Variants in ERBB4 observed in about 807,000 individuals in gnomAD.
ERBB4 encodes receptor tyrosine-protein kinase erbB-4.
ERBB4 carries 42 observed loss-of-function variants against 158.0 expected under a neutral mutation model. That is an observed-to-expected ratio of 0.27 (90% CI 0.21 to 0.34). ERBB4 has a LOEUF of 0.34. Ranked by LOEUF, ERBB4 falls within the 10% of genes least tolerant of loss-of-function variation. The pLI is 1.00. For missense variants in ERBB4, 1,333 were observed against 1,624.1 expected, an observed-to-expected ratio of 0.82 and a Z score of 3.08; for synonymous variants, 583 against 558.7, an observed-to-expected ratio of 1.04 and a Z score of -0.61.
In ERBB4 at chr2:211,431,196, TA is replaced by T. The variant is rs1374732324; in HGVS notation, c.2488-97del. 5 of 1,102,148 alleles carry T rather than the reference TA, an allele frequency of 4.5e-6. No homozygotes were observed. In the African/African-American group the frequency reaches 7.8e-5, roughly 17 times the overall value. 68.3% of individuals were successfully genotyped at this position (1,102,148 alleles called of 1,614,324 possible). A position where few individuals can be genotyped will look rare whatever the true frequency, so the allele number is the denominator to read the frequency against. ...TTCTTAGCCTTCAGTTGGAAGTGCC[TA>T]ATTTTTTAAGTGAAGCCAGAATCCT... On this transcript the variant is annotated intron_variant, in intron 20 of 27. Coordinates refer to ENST00000342788, the MANE Select transcript of ERBB4 (RefSeq NM_005235.3).
chr2:211,403,411 T>C (rs2063084736), intron 25 of ERBB4, among the ~76,000 whole-genome samples: 3 of 152,168 alleles, frequency 2.0e-5, no homozygotes, highest in African/African-American at 2.4e-5. Context: ...CAGGTTCTTA[T>C]CTTTGTGACT....
intron 20 of ERBB4, among the ~76,000 whole-genome samples, chr2:211,507,428 T>C (rs1325312777): frequency 6.6e-6 from 1 of 152,070 alleles, no homozygotes; most frequent in African/African-American, 2.4e-5. Flanking sequence ...TACAGGCCAA[T>C]TGCTTTGGCT....
In ERBB4 at chr2:212,123,587, G is replaced by C. The variant is rs1179904467; in HGVS notation, c.234+1165C>G. ...AACAGAGCTCTATCAATCAAGTAGAGAATAAGGAAATACCTTCAGTTCATT... is the reference window on the plus strand; with the variant it reads ...AACAGAGCTCTATCAATCAAGTAGACAATAAGGAAATACCTTCAGTTCATT... On this transcript the variant is annotated intron_variant, in intron 2 of 27. Coordinates refer to ENST00000342788, the MANE Select transcript of ERBB4 (RefSeq NM_005235.3). 6.6e-5 allele frequency among the ~76,000 whole-genome samples: 10 copies of C among 152,056 alleles called. No individual in the cohort carries two copies. In the East Asian group the frequency reaches 1.9e-3, roughly 29 times the overall value.
intron 20 of ERBB4, among the ~76,000 whole-genome samples, chr2:211,476,463 C>T (rs1295102376): frequency 6.6e-6 from 1 of 151,358 alleles, no homozygotes; most frequent in African/African-American, 2.4e-5. Context: ...TTTGTAACAT[C>T]AGGTAGAATT....
chr2:212,104,564 A>T (rs1233455533), intron 2 of ERBB4, among the ~76,000 whole-genome samples: 2 of 152,142 alleles, frequency 1.3e-5, no homozygotes, highest in Non-Finnish European at 2.9e-5. Context: ...AAAAGTAGGT[A>T]CCATTAATAT....
At chr2:212,361,257 ACT>A (rs1553625131) in intron 1 of ERBB4, among the ~76,000 whole-genome samples, 10 of 151,352 alleles carry the variant, frequency 6.6e-5, no homozygotes, top group Non-Finnish European at 3.0e-5. Flanking sequence ...TTTCAGGAAG[ACT>A]CTACATTATT....
intron 1 of ERBB4, among the ~76,000 whole-genome samples, chr2:212,349,287 T>TCACACACACACACACACA (rs3040350): frequency 6.8e-6 from 1 of 146,376 alleles, no homozygotes; most frequent in Non-Finnish European, 1.5e-5. Context: ...AACTTCTTAA[T>TCACACACACACACACACA]CACACACACA....
intron 1 of ERBB4, among the ~76,000 whole-genome samples, chr2:212,333,351 C>T (rs982013251): frequency 6.8e-6 from 1 of 146,776 alleles, no homozygotes; most frequent in Admixed American, 7.1e-5. Flanking sequence ...AACCTGTCCA[C>T]ACAAAAGCAT....
rs771434378 is a variant in ERBB4, at chr2:212,283,365, C to A, written c.83-158462G>T. Among the ~76,000 whole-genome samples, 9 of 151,990 alleles carry A rather than the reference C, an allele frequency of 5.9e-5. 1 individual carries two copies. Among genetic ancestry groups the A allele is most frequent in the Non-Finnish European group, 1.3e-4 (9 of 67,950 alleles). ...GTACGGTAATCCCACATTTCCCAAG[C>A]ACTTTCACATATATTAGTGCACCTT... is the stretch of plus-strand genomic sequence containing the variant. On this transcript the variant is annotated intron_variant, in intron 1 of 27. Coordinates refer to ENST00000342788, the MANE Select transcript of ERBB4 (RefSeq NM_005235.3).
chr2:211,767,961 G>T (rs2075594431), intron 4 of ERBB4, among the ~76,000 whole-genome samples: 1 of 152,124 alleles, frequency 6.6e-6, no homozygotes, highest in Non-Finnish European at 1.5e-5. Flanking sequence ...AAAAGTCCAT[G>T]TCCAAAGTCT....
chr2:211,381,198 C>T lies in ERBB4; in HGVS notation c.*2417G>A. 4.3e-6 allele frequency: 1 copy of T among 232,332 alleles called. No individual in the cohort carries two copies. The allele number at this position is 232,332 out of a possible 1,614,324, so 14.4% of individuals were successfully genotyped here. A position where few individuals can be genotyped will look rare whatever the true frequency, so the allele number is the denominator to read the frequency against. ...AGGAATCTCACAAACCCTTCTCCTGCTCTACCATACTTTTTCAGCTCGCCT... is the reference window on the plus strand; with the variant it reads ...AGGAATCTCACAAACCCTTCTCCTGTTCTACCATACTTTTTCAGCTCGCCT... On this transcript the variant is annotated 3_prime_UTR_variant, in exon 28 of 28. Coordinates refer to ENST00000342788, the MANE Select transcript of ERBB4 (RefSeq NM_005235.3).
chr2:211,769,050 T>C (rs1483818091), intron 4 of ERBB4, among the ~76,000 whole-genome samples: 1 of 152,220 alleles, frequency 6.6e-6, no homozygotes, highest in Non-Finnish European at 1.5e-5. Flanking sequence ...AGCACCCTAG[T>C]CATATCTTGA....
chr2:212,437,004 G>C (rs1296290838), intron 1 of ERBB4, among the ~76,000 whole-genome samples: 2 of 151,930 alleles, frequency 1.3e-5, no homozygotes, highest in Non-Finnish European at 2.9e-5. Flanking sequence ...AAGAGAGTAA[G>C]GCTAGAGATC....
At chr2:212,399,623 G>C (rs925949869) in intron 1 of ERBB4, among the ~76,000 whole-genome samples, 2 of 142,802 alleles carry the variant, frequency 1.4e-5, no homozygotes, top group Non-Finnish European at 3.0e-5. Context: ...CCAGCACTTT[G>C]GGAGGTCGAG....
At chr2:211,978,396 G>GTCTTTCTTTCTATCTATCTATCTA (rs77259627) in intron 2 of ERBB4, among the ~76,000 whole-genome samples, 1 of 136,560 alleles carries the variant, frequency 7.3e-6, no homozygotes, top group Non-Finnish European at 1.6e-5. Flanking sequence ...CTGTCTGTCT[G>GTCTTTCTTTCTATCTATCTATCTA]TCTATCTATC....
chr2:211,607,185 T>C (rs1450789638), intron 19 of ERBB4, among the ~76,000 whole-genome samples: 5 of 152,094 alleles, frequency 3.3e-5, no homozygotes, highest in Non-Finnish European at 7.4e-5. Flanking sequence ...TTGGCTATTT[T>C]CTTACCAGGA....
chr2:211,741,848 C>T (rs934347548), intron 5 of ERBB4, among the ~76,000 whole-genome samples: 3 of 152,242 alleles, frequency 2.0e-5, no homozygotes, highest in Admixed American at 6.5e-5. Context: ...CATTAAATTA[C>T]AACAAATATT....
chr2:211,384,521 G>A (rs1417325957), intron 27 of ERBB4, among the ~76,000 whole-genome samples: 1 of 152,078 alleles, frequency 6.6e-6, no homozygotes, highest in East Asian at 1.9e-4. Flanking sequence ...ATGGAGTGAA[G>A]AAATCATGTT....
At chr2:211,399,315 C>T (rs2062985647) in intron 25 of ERBB4, among the ~76,000 whole-genome samples, 1 of 152,222 alleles carries the variant, frequency 6.6e-6, no homozygotes, top group African/African-American at 2.4e-5. Flanking sequence ...GTGCCAGGGG[C>T]ACAGACATGG....
Sources: allele counts gnomAD v4.1 joint callset (sites outside exome capture counted in the v4.1 genomes callset), GRCh38; gene constraint gnomAD v4.1.1; transcripts MANE v1.5; gene names NCBI Gene and HGNC (gene_info 2026-07-23, HGNC 2026-07-21).